The following PPP4R4 variants were observed in gnomAD, a reference collection of about 807,000 sequenced individuals.
PPP4R4 encodes serine/threonine-protein phosphatase 4 regulatory subunit 4.
In PPP4R4, 70 loss-of-function variants were observed where a neutral mutation model predicts 121.8. The ratio of observed to expected loss-of-function variants is 0.57; its 90% CI spans 0.47 to 0.70. PPP4R4 has a LOEUF of 0.70. Among genes scored for constraint, PPP4R4 ranks in the 30% least tolerant of loss-of-function variants. The pLI is 0.00. For synonymous variants in PPP4R4, 348 were observed against 355.7 expected, an observed-to-expected ratio of 0.98 and a Z score of 0.24; for missense variants, 875 against 1,033.6, an observed-to-expected ratio of 0.85 and a Z score of 2.10.
In PPP4R4 at chr14:94,275,441, G is replaced by A. The variant is rs774479765; in HGVS notation, c.2517G>A (p.Pro839=). ...PSSFSPNTPL[P]STSRGTGNSV... ...CCTTTTCTCCTAATACTCCCTTACC[G>A]AGTACTTCCCGTGGGACAGGTAACT... is the stretch of plus-strand genomic sequence containing the variant. Residue 839 remains proline, a synonymous_variant, in exon 24 of 25, where the codon CCG becomes CCA. Coordinates refer to ENST00000304338, the MANE Select transcript of PPP4R4 (RefSeq NM_058237.2). The A allele has an allele frequency of 7.4e-6, 12 of 1,613,672 alleles. No homozygotes were observed. Among genetic ancestry groups the A allele is most frequent in the Admixed American group, 3.3e-5 (2 of 59,954 alleles).
rs1462307909 is a variant in PPP4R4 at position 94,254,815 on chromosome 14, C to CT, written c.1866-1645_1866-1644insT. 2.3e-4 allele frequency among the ~76,000 whole-genome samples: 35 copies of CT among 152,280 alleles called. 1 individual carries two copies. The highest frequency in any genetic ancestry group is 6.7e-4 in the African/African-American group (28 of 41,548). On this transcript the variant is annotated intron_variant, in intron 16 of 24. Coordinates refer to ENST00000304338, the MANE Select transcript of PPP4R4 (RefSeq NM_058237.2). ...GAGTATTTCCTCTGAAATGCCTCCT[C>CT]CTGGAAAGGCTTTTTTTTAGGCTCT...
chr14:94,263,301 C>T (rs1893875600), intron 19 of PPP4R4, among the ~76,000 whole-genome samples: 1 of 151,954 alleles, frequency 6.6e-6, no homozygotes, highest in Non-Finnish European at 1.5e-5. Context: ...TTTGTTCTTT[C>T]TCAATTTTTA....
At chr14:94,190,743 A>G (rs2139402703) in intron 2 of PPP4R4, among the ~76,000 whole-genome samples, 1 of 152,314 alleles carries the variant, frequency 6.6e-6, no homozygotes, top group South Asian at 2.1e-4. Flanking sequence ...TTCCAAGTTT[A>G]TGTAGTTATT....
rs751459890 is a variant in PPP4R4, at chr14:94,250,163, T to A, written c.1612-9T>A. 11 of 1,574,236 alleles carry A rather than the reference T, an allele frequency of 7.0e-6. No homozygotes were observed. Among genetic ancestry groups the A allele is most frequent in the Non-Finnish European group, 8.7e-6 (10 of 1,144,388 alleles). On this transcript the variant is annotated splice_polypyrimidine_tract_variant and intron_variant, in intron 14 of 24. Coordinates refer to ENST00000304338, the MANE Select transcript of PPP4R4 (RefSeq NM_058237.2). ...TAGTGTAACTGTCTGTCTTACTTACTTCTTCAAGAATGTTTTACCTGTCCA... is the reference window on the plus strand; with the variant it reads ...TAGTGTAACTGTCTGTCTTACTTACATCTTCAAGAATGTTTTACCTGTCCA...
At chr14:94,188,219 T>C (rs1483492956) in intron 2 of PPP4R4, among the ~76,000 whole-genome samples, 2 of 152,134 alleles carry the variant, frequency 1.3e-5, no homozygotes, top group African/African-American at 4.8e-5. Context: ...ATTTTGTCTT[T>C]TAGTATAGTG....
intron 14 of PPP4R4, among the ~76,000 whole-genome samples, chr14:94,249,374 T>C (rs529104261): frequency 6.6e-6 from 1 of 152,024 alleles, no homozygotes; most frequent in East Asian, 1.9e-4. Context: ...TGAGAGGAGG[T>C]AGCAGGCAAC....
At chr14:94,239,645 T>C (rs1892524655) in intron 8 of PPP4R4, among the ~76,000 whole-genome samples, 1 of 152,108 alleles carries the variant, frequency 6.6e-6, no homozygotes, top group Non-Finnish European at 1.5e-5. Flanking sequence ...GCCACACTTA[T>C]TTGTTCACAT....
At chr14:94,274,506 G>A (rs1291588958) in intron 23 of PPP4R4, among the ~76,000 whole-genome samples, 1 of 152,088 alleles carries the variant, frequency 6.6e-6, no homozygotes, top group Non-Finnish European at 1.5e-5. Flanking sequence ...ACAAGTAAGT[G>A]CATGAAAAGA....
intron 2 of PPP4R4, among the ~76,000 whole-genome samples, chr14:94,207,940 T>C (rs754452316): frequency 5.3e-5 from 8 of 151,910 alleles, no homozygotes; most frequent in Non-Finnish European, 7.4e-5. Context: ...TTTAAGAGTA[T>C]TGAGTGTATC....
At chr14:94,205,779 A>G (rs1020105315) in intron 2 of PPP4R4, among the ~76,000 whole-genome samples, 2 of 151,850 alleles carry the variant, frequency 1.3e-5, no homozygotes, top group Admixed American at 6.6e-5. Context: ...TTAGTTTCCA[A>G]GAGTTGGGAG....
intron 3 of PPP4R4, among the ~76,000 whole-genome samples, chr14:94,209,255 G>T (rs748715335): frequency 1.1e-4 from 17 of 152,058 alleles, no homozygotes; most frequent in Non-Finnish European, 2.4e-4. Context: ...TCCTCCAAGA[G>T]TTTACCTACT....
intron 2 of PPP4R4, among the ~76,000 whole-genome samples, chr14:94,184,103 A>G (rs1332569538): frequency 6.6e-6 from 1 of 152,192 alleles, no homozygotes; most frequent in Non-Finnish European, 1.5e-5. Flanking sequence ...GGACATAGGA[A>G]GATTGAGTTC....
chr14:94,231,248 G>A lies in PPP4R4; in HGVS notation c.449G>A (p.Ser150Asn). ...LHLEHRDTGV[S>N]NAWLETLLSV... Reference sequence around the variant, plus strand: ...TTTTATCTCTGTCAACCAGGTGTCAGCAATGCATGGCTGGAAACTCTTCTG... The same window carrying A: ...TTTTATCTCTGTCAACCAGGTGTCAACAATGCATGGCTGGAAACTCTTCTG... Residue 150 changes from serine to asparagine, a missense_variant, in exon 5 of 25, where the codon AGC (serine) becomes AAC (asparagine). Physicochemically the swap from Ser to Asn is conservative, Grantham distance 46 (BLOSUM62 1). Transcript: ENST00000304338. 1.2e-6 allele frequency: 2 copies of A among 1,610,902 alleles called. No individual in the cohort carries two copies. Among genetic ancestry groups the A allele is most frequent in the Non-Finnish European group, 1.7e-6 (2 of 1,177,578 alleles).
intron 17 of PPP4R4, among the ~76,000 whole-genome samples, chr14:94,257,120 C>T (rs1377916706): frequency 1.3e-5 from 2 of 151,992 alleles, no homozygotes; most frequent in Non-Finnish European, 2.9e-5. Context: ...CTTACCTGCT[C>T]CTGAGTGCAT....
In PPP4R4 at chr14:94,242,285, C is replaced by A; in HGVS notation, c.1147-4C>A. The stretch of plus-strand genomic sequence containing the variant: ...ACTCATCTCCTCCCTTCCACCTCCA[C>A]CAGGCCATGATTGTTTTTGTTGATC... On this transcript the variant is annotated splice_region_variant and splice_polypyrimidine_tract_variant and intron_variant, in intron 10 of 24. Transcript: ENST00000304338. 6.2e-7 allele frequency: 1 copy of A among 1,611,384 alleles called. No individual in the cohort carries two copies. The highest frequency in any genetic ancestry group is 1.3e-5 in the African/African-American group (1 of 74,938).
In PPP4R4 at chr14:94,265,854, A is replaced by G; in HGVS notation, c.2345A>G (p.His782Arg). The change falls in exon 22 of 25, where the codon CAT becomes CGT. Residue 782 changes from histidine (H) to arginine (R), a missense_variant. Coordinates refer to ENST00000304338, the MANE Select transcript of PPP4R4 (RefSeq NM_058237.2). ...RSQSFNNQAF[H>R]AKYGNLEKCA... ...CAGTCTTTTAATAATCAAGCTTTTC[A>G]TGCAAAATATGGCAACTTAGAGAAA... 4 of 1,607,570 alleles carry G rather than the reference A, an allele frequency of 2.5e-6. No individual in the cohort carries two copies. The South Asian group carries it at 3.3e-5, about 13-fold the overall frequency.
chr14:94,234,658 C>T lies in PPP4R4; in HGVS notation c.720C>T (p.Ala240=). The change falls in exon 7 of 25, where the codon GCC becomes GCT. Residue 240 remains alanine (A), a synonymous_variant. Coordinates refer to ENST00000304338, the MANE Select transcript of PPP4R4 (RefSeq NM_058237.2). ...TGTGTCGGCAATTAGAAAATATAGC[C>T]CAGGGCATTGGGTAGGTATACTTTG... The part of the protein sequence containing the change: ...SCMCRQLENI[A]QGIGTELTKS... 6.3e-7 allele frequency: 1 copy of T among 1,582,082 alleles called. No individual in the cohort carries two copies. The highest frequency in any genetic ancestry group is 1.1e-5 in the South Asian group (1 of 90,226).
intron 2 of PPP4R4, among the ~76,000 whole-genome samples, chr14:94,207,723 T>C (rs1890536141): frequency 6.6e-6 from 1 of 151,716 alleles, no homozygotes; most frequent in Middle Eastern, 3.4e-3. Context: ...TATATATATA[T>C]GTATATTTCA....
At chr14:94,218,407 T>A (rs1595485866) in intron 3 of PPP4R4, among the ~76,000 whole-genome samples, 2 of 84,306 alleles carry the variant, frequency 2.4e-5, no homozygotes, top group Admixed American at 1.4e-4. Context: ...ACACACCTCC[T>A]CACCCCTAGA....
Sources: allele counts gnomAD v4.1 joint callset (sites outside exome capture counted in the v4.1 genomes callset), GRCh38; gene constraint gnomAD v4.1.1; transcripts MANE v1.5; gene names NCBI Gene and HGNC (gene_info 2026-07-23, HGNC 2026-07-21).